The following ETNK1 variants were observed in gnomAD, a reference collection of about 807,000 sequenced individuals.
ETNK1 encodes putative protein product of Nbla10396.
Under a neutral mutation model 45.1 loss-of-function variants are expected in ETNK1, and 8 were observed. That is an observed-to-expected ratio of 0.18 (90% CI 0.10 to 0.32). ETNK1 has a LOEUF of 0.32. ETNK1 is among the 10% of genes least tolerant of loss of function. The pLI is 1.00. For synonymous variants in ETNK1, 152 were observed against 151.9 expected (o/e 1.00, Z -0.01); for missense variants, 302 against 430.6 (o/e 0.70, Z 2.64).
chr12:22,640,059 C>T (rs1000290479), intron 1 of ETNK1, among the ~76,000 whole-genome samples: 23 of 152,016 alleles, frequency 1.5e-4, no homozygotes, highest in African/African-American at 5.3e-4. Flanking sequence ...CAATATTAAG[C>T]AATTAAAAAG....
chr12:22,648,317 G>T (rs1020782948), intron 2 of ETNK1, among the ~76,000 whole-genome samples: 1 of 151,924 alleles, frequency 6.6e-6, no homozygotes, highest in African/African-American at 2.4e-5. Flanking sequence ...ACTGTTAGTA[G>T]TATCATACAG....
At chr12:22,654,860 A>C (rs1463661550) in intron 2 of ETNK1, among the ~76,000 whole-genome samples, 1 of 152,222 alleles carries the variant, frequency 6.6e-6, no homozygotes, top group Non-Finnish European at 1.5e-5. Context: ...ATTTGTTCAA[A>C]GGAATAATTG....
chr12:22,646,342 G>C (rs1349253172), intron 2 of ETNK1, among the ~76,000 whole-genome samples: 1 of 151,566 alleles, frequency 6.6e-6, no homozygotes, highest in Non-Finnish European at 1.5e-5. Context: ...AAATATGTAC[G>C]GTGAAATACT....
chr12:22,656,154 T>C (rs926077077), intron 2 of ETNK1, among the ~76,000 whole-genome samples: 7 of 152,224 alleles, frequency 4.6e-5, no homozygotes, highest in African/African-American at 1.7e-4. Context: ...GAATTGTCAT[T>C]TCAGTTACTA....
intron 2 of ETNK1, among the ~76,000 whole-genome samples, chr12:22,649,606 A>G (rs1452819900): frequency 6.6e-6 from 1 of 152,024 alleles, no homozygotes; most frequent in African/African-American, 2.4e-5. Context: ...CACTACCTTA[A>G]TTGCTATAGC....
intron 5 of ETNK1, among the ~76,000 whole-genome samples, chr12:22,672,383 T>C (rs1954118090): frequency 6.6e-6 from 1 of 152,178 alleles, no homozygotes; most frequent in South Asian, 2.1e-4. Context: ...TATATATTTA[T>C]ATATTTTTAT....
rs536176997 is a variant in ETNK1 at position 22,672,307 on chromosome 12, A to G, written c.784+952A>G. On this transcript the variant is annotated intron_variant, in intron 5 of 7. Transcript: ENST00000266517. ...AATGCTCTAAAAACTAAAGATTAGA[A>G]CATACCCCAGAATGGTTTATACCTA... Among the ~76,000 whole-genome samples the G allele has an allele frequency of 1.2e-4, 18 of 152,192 alleles. 1 individual carries two copies. Among genetic ancestry groups the G allele is most frequent in the African/African-American group, 4.1e-4 (17 of 41,548 alleles).
chr12:22,646,769 G>A (rs910683718), intron 2 of ETNK1, among the ~76,000 whole-genome samples: 2 of 151,910 alleles, frequency 1.3e-5, no homozygotes, highest in Non-Finnish European at 3.0e-5. Context: ...TCATTTGAAT[G>A]TAAAAGGCTT....
chr12:22,641,692 G>A (rs1441715130), intron 1 of ETNK1, among the ~76,000 whole-genome samples: 1 of 152,066 alleles, frequency 6.6e-6, no homozygotes, highest in Admixed American at 6.5e-5. Context: ...GGAGAAACAA[G>A]AAAATAAAGA....
At chr12:22,639,491 A>G (rs900256993) in intron 1 of ETNK1, among the ~76,000 whole-genome samples, 3 of 152,180 alleles carry the variant, frequency 2.0e-5, no homozygotes, top group African/African-American at 7.2e-5. Flanking sequence ...AGCCTGGCCA[A>G]CATGGCGAAA....
At chr12:22,639,505 C>T (rs1387385756) in intron 1 of ETNK1, among the ~76,000 whole-genome samples, 2 of 152,062 alleles carry the variant, frequency 1.3e-5, no homozygotes, top group African/African-American at 4.8e-5. Context: ...GGCGAAACCC[C>T]ATCTCTACTA....
At chr12:22,635,050 T>C (rs1953636966) in intron 1 of ETNK1, among the ~76,000 whole-genome samples, 1 of 152,252 alleles carries the variant, frequency 6.6e-6, no homozygotes, top group Non-Finnish European at 1.5e-5. Context: ...AGTCTTGACA[T>C]GTGTTGGAAA....
At chr12:22,630,594 C>CT (rs1233350904) in intron 1 of ETNK1, among the ~76,000 whole-genome samples, 1 of 151,940 alleles carries the variant, frequency 6.6e-6, no homozygotes, top group Non-Finnish European at 1.5e-5. Flanking sequence ...GGATATTTTT[C>CT]TTTTTGTATT....
Position 22,685,006 on chromosome 12 carries a change from C to A in ETNK1, c.*52C>A. 7.4e-7 allele frequency: 1 copy of A among 1,346,258 alleles called. No homozygotes were observed. The highest frequency in any genetic ancestry group is 1.0e-6 in the Non-Finnish European group (1 of 972,906). The allele number at this position is 1,346,258 out of a possible 1,614,324, so 83.4% of individuals were successfully genotyped here. The stretch of plus-strand genomic sequence containing the variant: ...GCTGAGCAATGCTTGTGAATCTTTT[C>A]TTAAGAAATCCCAAAAAGCCAATAT... On this transcript the variant is annotated 3_prime_UTR_variant, in exon 8 of 8. Transcript: ENST00000266517.
At chr12:22,646,839 T>C (rs905911113) in intron 2 of ETNK1, among the ~76,000 whole-genome samples, 1 of 151,910 alleles carries the variant, frequency 6.6e-6, no homozygotes, top group Non-Finnish European at 1.5e-5. Flanking sequence ...CTTGCTGTCT[T>C]AGTAATTTAC....
At position 22,690,165 on chromosome 12, in the gene ETNK1, GCTTT is replaced by G. The variant is rs1954291712; in HGVS notation, c.*5212_*5215del. 6.6e-6 allele frequency: 1 copy of G among 152,472 alleles called. No individual in the cohort carries two copies. The highest frequency in any genetic ancestry group is 1.5e-5 in the Non-Finnish European group (1 of 67,908). 9.4% of individuals were successfully genotyped at this position (152,472 alleles called of 1,614,324 possible). A position where few individuals can be genotyped will look rare whatever the true frequency, so the allele number is the denominator to read the frequency against. ...ATGTGAACCATAGTAGTATAATGCT[GCTTT>G]GTATATAATGTAAGTGCTACAAATA... On this transcript the variant is annotated 3_prime_UTR_variant, in exon 8 of 8. Transcript: ENST00000266517.
intron 1 of ETNK1, among the ~76,000 whole-genome samples, chr12:22,629,191 A>G (rs898010151): frequency 7.9e-5 from 12 of 152,272 alleles, no homozygotes; most frequent in African/African-American, 2.9e-4. Context: ...TTGCTCTTTG[A>G]AATTCCTAGT....
In ETNK1 at chr12:22,644,007, A is replaced by T. The variant is rs777625762; in HGVS notation, c.401A>T (p.Asn134Ile). The change falls in exon 2 of 8, where the codon AAC (asparagine) becomes ATC (isoleucine). Residue 134 changes from asparagine to isoleucine, a missense_variant. By Grantham distance (149) the Asn-to-Ile change is moderately radical. This residue lies in a region of ETNK1 where 205 missense variants were observed against 259.9 expected (regional missense o/e 0.79). Transcript: ENST00000266517. ...GCACTGGATCCAAAGCATGTCTGCA[A>T]CCCAGCCATTTTCAGGTACATTTTC... ...GEALDPKHVC[N>I]PAIFRLIARQ... 1 of 1,592,304 alleles carries T rather than the reference A, an allele frequency of 6.3e-7. No individual in the cohort carries two copies. The highest frequency in any genetic ancestry group is 8.6e-7 in the Non-Finnish European group (1 of 1,166,226).
At chr12:22,637,479 C>T (rs577863598) in intron 1 of ETNK1, among the ~76,000 whole-genome samples, 14 of 152,216 alleles carry the variant, frequency 9.2e-5, no homozygotes, top group African/African-American at 2.6e-4. Flanking sequence ...ATCTTATCCC[C>T]AAGTGTCATG....
Sources: allele counts gnomAD v4.1 joint callset (sites outside exome capture counted in the v4.1 genomes callset), GRCh38; gene constraint gnomAD v4.1.1; regional missense constraint gnomAD v4.1.1; transcripts MANE v1.5; gene names NCBI Gene and HGNC (gene_info 2026-07-23, HGNC 2026-07-21).